Variants in CRACR2B observed in about 807,000 individuals in gnomAD.
CRACR2B encodes the protein calcium release activated channel regulator 2B.
In CRACR2B, 50 loss-of-function variants were observed where a neutral mutation model predicts 46.0. The observed-to-expected ratio is 1.09, with a 90% CI of 0.87 to 1.38. The LOEUF (loss-of-function observed/expected upper bound fraction) is 1.38. Among genes scored for constraint, CRACR2B ranks in the 40% most tolerant of loss-of-function variants. The pLI, the probability that CRACR2B is intolerant of heterozygous loss-of-function variation, is 0.00. For missense variants in CRACR2B, 667 were observed against 535.0 expected (o/e 1.25, Z -2.43); for synonymous variants, 277 against 239.6 (o/e 1.16, Z -1.44).
In CRACR2B at chr11:828,943, G is replaced by C; in HGVS notation, c.257G>C (p.Arg86Thr). 1 of 1,605,498 alleles carries C rather than the reference G, an allele frequency of 6.2e-7. No individual in the cohort carries two copies. Among genetic ancestry groups the C allele is most frequent in the Non-Finnish European group, 8.5e-7 (1 of 1,179,910 alleles). Residue 86 changes from arginine (R) to threonine (T), a missense_variant, in exon 2 of 9, where the codon AGG becomes ACG. Transcript: ENST00000525077. Reference sequence around the variant, plus strand: ...GCTCACACTGGCTTCCTCACCGCCAGGGAGTTCTGCCTGGGCCTGGGTGAG... The same window carrying C: ...GCTCACACTGGCTTCCTCACCGCCACGGAGTTCTGCCTGGGCCTGGGTGAG... ...DRAHTGFLTAREFCLGLGMFV... is the reference protein window; with the variant it reads ...DRAHTGFLTATEFCLGLGMFV...
At chr11:829,794 A>C (rs1263048935) in intron 3 of CRACR2B, 192 bp from the exon 4 acceptor site, 2 of 1,183,966 alleles carry the variant, frequency 1.7e-6, no homozygotes, top group Non-Finnish European at 2.3e-6. Context: ...GGCACTGCCC[A>C]GGGTACACAC....
chr11:830,435 A>C (rs1297299876), intron 5 of CRACR2B, 98 bp downstream of exon 5: 4 of 1,534,746 alleles, frequency 2.6e-6, no homozygotes, highest in African/African-American at 1.4e-5. Context: ...CGACGGCCCC[A>C]CCTCCGCGGG....
At chr11:826,418 C>T (rs1183556595), upstream of CRACR2B, among the ~76,000 whole-genome samples, 2 of 152,206 alleles carry the variant, frequency 1.3e-5, no homozygotes, top group African/African-American at 4.8e-5. Flanking sequence ...GGGCTGGGCC[C>T]CAGAAGGAGA....
rs771427901 is a variant in CRACR2B at position 831,944 on chromosome 11, T to A, written c.*235T>A. On this transcript the variant is annotated 3_prime_UTR_variant, in exon 9 of 9. Coordinates refer to ENST00000525077, the MANE Select transcript of CRACR2B (RefSeq NM_001286606.2). Reference sequence around the variant, plus strand: ...CCCCGTTCAATCAACCCCATCTCAGTTCAGCAGAAAACCCCCTCGTCAAAT... The same window carrying A: ...CCCCGTTCAATCAACCCCATCTCAGATCAGCAGAAAACCCCCTCGTCAAAT... 3.4e-5 allele frequency: 17 copies of A among 503,188 alleles called. No homozygotes were observed. Among genetic ancestry groups the A allele is most frequent in the Non-Finnish European group, 5.1e-5 (15 of 291,464 alleles). The allele number at this position is 503,188 out of a possible 1,614,324, so 31.2% of individuals were successfully genotyped here.
chr11:830,914 G>A lies in CRACR2B; in HGVS notation c.835G>A (p.Ala279Thr). 1 of 1,532,974 alleles carries A rather than the reference G, an allele frequency of 6.5e-7. No homozygotes were observed. Among genetic ancestry groups the A allele is most frequent in the Non-Finnish European group, 8.7e-7 (1 of 1,146,196 alleles). The allele number at this position is 1,532,974 out of a possible 1,614,324, so 95.0% of individuals were successfully genotyped here. Reference protein sequence around the residue: ...AQAAEHLEAQAQNSQLWRAHE... With the variant: ...AQAAEHLEAQTQNSQLWRAHE... ...GGCTGCGGAGCACCTGGAGGCACAG[G>A]CCCAGAACTCCCAGCTGTGGCGGGC... is the stretch of plus-strand genomic sequence containing the variant. The change falls in exon 7 of 9, where the codon GCC (alanine) becomes ACC (threonine). Residue 279 changes from alanine to threonine, a missense_variant. By Grantham distance (58) the Ala-to-Thr change is moderately conservative (BLOSUM62 0). Transcript: ENST00000525077.
chr11:829,185 T>A (rs1846169983), intron 2 of CRACR2B, 175 bp from the exon 3 acceptor site: 1 of 1,365,460 alleles, frequency 7.3e-7, no homozygotes, highest in Non-Finnish European at 9.9e-7. Context: ...TAAGCTCCGG[T>A]AGGGCTGGGA....
Position 829,485 on chromosome 11 carries a change from G to A in CRACR2B, c.403G>A (p.Glu135Lys), listed in dbSNP as rs1377832480. The change falls in exon 3 of 9, where the codon GAG (glutamate) becomes AAG (lysine). Residue 135 changes from glutamate to lysine, a missense_variant. Coordinates refer to ENST00000525077, the MANE Select transcript of CRACR2B (RefSeq NM_001286606.2). ...CTCTCTGGATGAGGAGGAGGAAGAGGAGGAGCGATTCCACACTGTGCTGGA... is the reference window on the plus strand; with the variant it reads ...CTCTCTGGATGAGGAGGAGGAAGAGAAGGAGCGATTCCACACTGTGCTGGA... ...AGSLDEEEEE[E>K]ERFHTVLEQL... 2 of 1,608,214 alleles carry A rather than the reference G, an allele frequency of 1.2e-6. No individual in the cohort carries two copies. The highest frequency in any genetic ancestry group is 8.5e-7 in the Non-Finnish European group (1 of 1,178,364).
rs1846445549 is a variant in CRACR2B, at chr11:831,529, C to T, written c.1026-6C>T. The T allele has an allele frequency of 1.3e-6, 2 of 1,582,776 alleles. No homozygotes were observed. Among genetic ancestry groups the T allele is most frequent in the Non-Finnish European group, 1.7e-6 (2 of 1,167,262 alleles). ...CCCTCTCAGTGTCGGACTCCTCCTT[C>T]CCTAGGGAGCTGAATACACGGCTGC... On this transcript the variant is annotated splice_region_variant and splice_polypyrimidine_tract_variant and intron_variant, in intron 8 of 8. Transcript: ENST00000525077.
At chr11:830,426 G>A in intron 5 of CRACR2B, 89 bp downstream of exon 5, 4 of 1,536,102 alleles carry the variant, frequency 2.6e-6, no homozygotes, top group Non-Finnish European at 3.5e-6. Context: ...ATCCCTCCCC[G>A]ACGGCCCCAC....
rs1213007364 is a variant in CRACR2B, at chr11:831,959, C to G, written c.*250C>G. 6.0e-6 allele frequency: 3 copies of G among 496,262 alleles called. No individual in the cohort carries two copies. The highest frequency in any genetic ancestry group is 1.0e-5 in the Non-Finnish European group (3 of 286,020). 30.7% of individuals were successfully genotyped at this position (496,262 alleles called of 1,614,324 possible). A position where few individuals can be genotyped will look rare whatever the true frequency, so the allele number is the denominator to read the frequency against. On this transcript the variant is annotated 3_prime_UTR_variant, in exon 9 of 9. Coordinates refer to ENST00000525077, the MANE Select transcript of CRACR2B (RefSeq NM_001286606.2). ...CCCATCTCAGTTCAGCAGAAAACCC[C>G]CTCGTCAAATAAAACCCACTGACTG...
rs909958914 is a variant in CRACR2B, at chr11:829,361, G to A, written c.279G>A (p.Gly93=). Residue 93 remains glycine, a splice_region_variant and synonymous_variant, in exon 3 of 9, where the codon GGG becomes GGA. Coordinates refer to ENST00000525077, the MANE Select transcript of CRACR2B (RefSeq NM_001286606.2). ...TAATCGCTCGCTCCATGCCCGCAGGGATGTTTGTGGGGGTGGCGTCAGCCC... is the reference window on the plus strand; with the variant it reads ...TAATCGCTCGCTCCATGCCCGCAGGAATGTTTGTGGGGGTGGCGTCAGCCC... ...LTAREFCLGL[G]MFVGVASAQG... 6.2e-7 allele frequency: 1 copy of A among 1,604,868 alleles called. No individual in the cohort carries two copies. The highest frequency in any genetic ancestry group is 2.2e-5 in the East Asian group (1 of 44,764).
upstream of CRACR2B, chr11:827,610 G>T (rs773785982): frequency 2.2e-6 from 2 of 926,448 alleles, no homozygotes; most frequent in Non-Finnish European, 2.6e-6. Flanking sequence ...GCCGGAGGGC[G>T]GGCGAGACAA....
Position 831,595 on chromosome 11 carries a change from C to T in CRACR2B, c.1086C>T (p.Ser362=). The change falls in exon 9 of 9, where the codon AGC becomes AGT. Residue 362 remains serine (S), a synonymous_variant. Transcript: ENST00000525077. ...RDACEARRAG[S]SCRKALTTAR... is the part of the protein sequence containing the mutation. ...CCTGCGAGGCCAGGCGGGCGGGCAGCAGCTGCAGGAAGGCTCTGACAACAG... is the reference window on the plus strand; with the variant it reads ...CCTGCGAGGCCAGGCGGGCGGGCAGTAGCTGCAGGAAGGCTCTGACAACAG... The T allele has an allele frequency of 1.3e-6, 2 of 1,586,290 alleles. No homozygotes were observed.
chr11:829,368 G>A lies in CRACR2B; in HGVS notation c.286G>A (p.Val96Met), dbSNP rs1172780861. 1.2e-6 allele frequency: 2 copies of A among 1,606,400 alleles called. No individual in the cohort carries two copies. The highest frequency in any genetic ancestry group is 1.7e-6 in the Non-Finnish European group (2 of 1,177,856). Residue 96 changes from valine (V) to methionine (M), a missense_variant, in exon 3 of 9, where the codon GTG becomes ATG. Val to Met is a conservative substitution (Grantham distance 21). Coordinates refer to ENST00000525077, the MANE Select transcript of CRACR2B (RefSeq NM_001286606.2). ...REFCLGLGMF[V>M]GVASAQGANP... is the part of the protein sequence containing the mutation. ...TCGCTCCATGCCCGCAGGGATGTTT[G>A]TGGGGGTGGCGTCAGCCCAGGGAGC...
chr11:831,178 C>T (rs776409856), intron 7 of CRACR2B, 46 bp from the exon 8 acceptor site: 3 of 1,610,232 alleles, frequency 1.9e-6, no homozygotes, highest in East Asian at 2.2e-5. Context: ...TCCGGGGGCT[C>T]CCCAAGGAGC....
Position 831,228 on chromosome 11 carries a change from G to A in CRACR2B, c.958G>A (p.Val320Met). The A allele has an allele frequency of 1.2e-6, 2 of 1,610,562 alleles. No homozygotes were observed. Among genetic ancestry groups the A allele is most frequent in the East Asian group, 2.2e-5 (1 of 44,858 alleles). ...RGRQEQTQRD[V>M]VAVSRNMQKE... ...GTCACCACCTCCCATCCACAGAGAC[G>A]TGGTCGCCGTCTCCAGGAACATGCA... Residue 320 changes from valine to methionine, a missense_variant, in exon 8 of 9, where the codon GTG becomes ATG. Val to Met is a conservative substitution (Grantham distance 21, BLOSUM62 1). Coordinates refer to ENST00000525077, the MANE Select transcript of CRACR2B (RefSeq NM_001286606.2).
Position 830,327 on chromosome 11 carries a change from C to A in CRACR2B, c.683C>A (p.Pro228Gln), listed in dbSNP as rs1374124773. ...TEQLREQSRR[P>Q]PSQNFARGER... The stretch of plus-strand genomic sequence containing the variant: ...CAGCTTCGGGAGCAGAGCCGGCGCC[C>A]GCCGAGTCAGGTGGGCCTCGGGCCC... Residue 228 changes from proline to glutamine, a missense_variant, in exon 5 of 9, where the codon CCG becomes CAG. Pro to Gln is a moderately conservative substitution (Grantham distance 76). Coordinates refer to ENST00000525077, the MANE Select transcript of CRACR2B (RefSeq NM_001286606.2). 2 of 1,535,036 alleles carry A rather than the reference C, an allele frequency of 1.3e-6. No homozygotes were observed. The highest frequency in any genetic ancestry group is 2.7e-5 in the African/African-American group (2 of 72,950).
In CRACR2B at chr11:830,939, C is replaced by A; in HGVS notation, c.860C>A (p.Ala287Glu). Residue 287 changes from alanine to glutamate, a missense_variant, in exon 7 of 9, where the codon GCG (alanine) becomes GAG (glutamate). Ala to Glu is a moderately radical substitution (Grantham distance 107). Transcript: ENST00000525077. ...AQAQNSQLWR[A>E]HEALRTQLEG... Reference sequence around the variant, plus strand: ...GCCCAGAACTCCCAGCTGTGGCGGGCGCACGAGGCGCTGCGAACGCAGCTG... The same window carrying A: ...GCCCAGAACTCCCAGCTGTGGCGGGAGCACGAGGCGCTGCGAACGCAGCTG... 2 of 1,532,010 alleles carry A rather than the reference C, an allele frequency of 1.3e-6. No individual in the cohort carries two copies. The highest frequency in any genetic ancestry group is 2.3e-4 in the Middle Eastern group (1 of 4,386). 94.9% of individuals were successfully genotyped at this position (1,532,010 alleles called of 1,614,324 possible). A position where few individuals can be genotyped will look rare whatever the true frequency, so the allele number is the denominator to read the frequency against.
rs780540563 is a variant in CRACR2B at position 831,150 on chromosome 11, G to C, written c.954-74G>C. On this transcript the variant is annotated intron_variant, in intron 7 of 8. Transcript: ENST00000525077. The stretch of plus-strand genomic sequence containing the variant: ...AAGTCCCAGGCCCGCCCCGTGGGAA[G>C]GAGGATCTTCTAGGGGGTCCGGGGG... 5 of 1,604,760 alleles carry C rather than the reference G, an allele frequency of 3.1e-6. No homozygotes were observed. The Admixed American group carries it at 8.5e-5, about 27-fold the overall frequency.
Sources: allele counts gnomAD v4.1 joint callset (sites outside exome capture counted in the v4.1 genomes callset), GRCh38; gene constraint gnomAD v4.1.1; transcripts MANE v1.5; gene names NCBI Gene and HGNC (gene_info 2026-07-23, HGNC 2026-07-21).